DCBLD2: variants seen among roughly 807,000 people sequenced by gnomAD.
The protein encoded by DCBLD2 is discoidin, CUB and LCCL domain-containing protein 2.
Under a neutral mutation model 86.8 loss-of-function variants are expected in DCBLD2, and 54 were observed. That is an observed-to-expected ratio of 0.62 (90% CI 0.50 to 0.78). The LOEUF (loss-of-function observed/expected upper bound fraction) is 0.78, where lower values mean the gene tolerates loss of function less well. Among genes scored for constraint, DCBLD2 ranks in the 30% least tolerant of loss-of-function variants. DCBLD2 has a pLI of 0.00. For synonymous variants in DCBLD2, 354 were observed against 341.3 expected, an observed-to-expected ratio of 1.04 and a Z score of -0.41; for missense variants, 908 against 954.2, an observed-to-expected ratio of 0.95 and a Z score of 0.64.
At chr3:98,802,564 T>G (rs2107420337) in intron 13 of DCBLD2, among the ~76,000 whole-genome samples, 1 of 152,340 alleles carries the variant, frequency 6.6e-6, no homozygotes, top group South Asian at 2.1e-4. Flanking sequence ...TTTAATTAGA[T>G]CCCATTTGTC....
intron 2 of DCBLD2, among the ~76,000 whole-genome samples, chr3:98,856,720 T>C (rs909917465): frequency 1.3e-5 from 2 of 152,002 alleles, no homozygotes; most frequent in African/African-American, 2.4e-5. Flanking sequence ...TGAGAGTTGG[T>C]TGACCTCAGG....
At chr3:98,895,302 T>C (rs545891240) in intron 1 of DCBLD2, 6 of 152,250 alleles carry the variant, frequency 3.9e-5, no homozygotes, top group Admixed American at 3.9e-4. Flanking sequence ...TGGAAGTCAT[T>C]AACACAGCTC....
chr3:98,853,758 G>A (rs1942881181), intron 2 of DCBLD2, among the ~76,000 whole-genome samples: 1 of 152,226 alleles, frequency 6.6e-6, no homozygotes, highest in Non-Finnish European at 1.5e-5. Context: ...TACGAAACTT[G>A]AGAAATCTTA....
At chr3:98,849,640 T>G in intron 2 of DCBLD2, 42 bp from the exon 3 acceptor site, 1 of 1,588,296 alleles carries the variant, frequency 6.3e-7, no homozygotes. Context: ...ATGACTCTCA[T>G]GAAGTCAATA....
At chr3:98,826,712 T>C (rs1009091586) in intron 3 of DCBLD2, among the ~76,000 whole-genome samples, 2 of 152,234 alleles carry the variant, frequency 1.3e-5, no homozygotes, top group African/African-American at 4.8e-5. Context: ...ACTTATTTAT[T>C]GAATCAATGG....
chr3:98,863,575 T>C (rs1174460650), intron 2 of DCBLD2, among the ~76,000 whole-genome samples: 1 of 152,200 alleles, frequency 6.6e-6, no homozygotes, highest in African/African-American at 2.4e-5. Flanking sequence ...TACAACCATC[T>C]GATCTTTGAC....
chr3:98,825,243 T>C (rs1942193528), intron 4 of DCBLD2, 72 bp downstream of exon 4: 1 of 1,145,284 alleles, frequency 8.7e-7, no homozygotes, highest in South Asian at 1.6e-5. Flanking sequence ...GTATACAGAA[T>C]GAAAATGAAG....
chr3:98,818,560 G>T (rs995300736), intron 8 of DCBLD2, among the ~76,000 whole-genome samples: 4 of 152,220 alleles, frequency 2.6e-5, no homozygotes, highest in African/African-American at 9.6e-5. Flanking sequence ...GTTCCCAGGT[G>T]TGTCTGTGAG....
chr3:98,839,163 C>CTTTT (rs1361731379), intron 3 of DCBLD2, among the ~76,000 whole-genome samples: 1 of 89,496 alleles, frequency 1.1e-5, no homozygotes, highest in East Asian at 3.9e-4. Context: ...TTCTTTCTTT[C>CTTTT]TTTCTTTCCT....
intron 2 of DCBLD2, among the ~76,000 whole-genome samples, chr3:98,862,395 A>T (rs1943059977): frequency 6.6e-6 from 1 of 152,216 alleles, no homozygotes. Context: ...CTGATACCAA[A>T]GCCTGGCAGA....
intron 3 of DCBLD2, among the ~76,000 whole-genome samples, chr3:98,838,298 T>C (rs1190646297): frequency 2.8e-4 from 22 of 77,484 alleles, no homozygotes; most frequent in African/African-American, 8.7e-4. Context: ...GACGGGGCGG[T>C]TGCCAGGCAG....
chr3:98,871,294 G>A (rs1943278853), intron 2 of DCBLD2, among the ~76,000 whole-genome samples: 1 of 152,084 alleles, frequency 6.6e-6, no homozygotes, highest in South Asian at 2.1e-4. Flanking sequence ...TTGCCTGACT[G>A]TTCTAGCTAG....
chr3:98,874,909 A>C (rs1036237923), intron 2 of DCBLD2, among the ~76,000 whole-genome samples: 5 of 152,144 alleles, frequency 3.3e-5, no homozygotes, highest in African/African-American at 1.2e-4. Flanking sequence ...AACTCTGAGA[A>C]AGTAAACTGC....
chr3:98,856,714 A>T (rs559688317), intron 2 of DCBLD2, among the ~76,000 whole-genome samples: 1 of 152,140 alleles, frequency 6.6e-6, no homozygotes, highest in African/African-American at 2.4e-5. Context: ...AAGAAATGAG[A>T]GTTGGTTGAC....
At chr3:98,860,519 A>G (rs1006377373) in intron 2 of DCBLD2, among the ~76,000 whole-genome samples, 9 of 152,204 alleles carry the variant, frequency 5.9e-5, no homozygotes, top group African/African-American at 2.2e-4. Context: ...GACTAACAGC[A>G]GATCTTTCAG....
intron 3 of DCBLD2, among the ~76,000 whole-genome samples, chr3:98,830,412 G>T (rs1942299138): frequency 1.3e-5 from 2 of 152,092 alleles, no homozygotes; most frequent in Non-Finnish European, 2.9e-5. Context: ...TTGATTTTTG[G>T]ATATGATATA....
At position 98,812,502 on chromosome 3, in the gene DCBLD2, A is replaced by G. The variant is rs1415409171; in HGVS notation, c.1213-20T>C. On this transcript the variant is annotated intron_variant, in intron 9 of 15. Transcript: ENST00000326840. ...AAATATCTTTAAAAAAACAACAAAA[A>G]ATTGGTACTTCAAATCAATAGAGGT... is the stretch of plus-strand genomic sequence containing the variant. 6.2e-7 allele frequency: 1 copy of G among 1,603,490 alleles called. No homozygotes were observed. The highest frequency in any genetic ancestry group is 1.1e-5 in the South Asian group (1 of 90,236).
At chr3:98,863,301 T>G (rs987092177) in intron 2 of DCBLD2, among the ~76,000 whole-genome samples, 2 of 152,120 alleles carry the variant, frequency 1.3e-5, no homozygotes, top group Non-Finnish European at 2.9e-5. Flanking sequence ...AGGTAATTTA[T>G]AGATTCAATG....
intron 2 of DCBLD2, among the ~76,000 whole-genome samples, chr3:98,854,108 G>A (rs1402045445): frequency 6.6e-6 from 1 of 152,170 alleles, no homozygotes; most frequent in Non-Finnish European, 1.5e-5. Flanking sequence ...GCAGGAACTG[G>A]GGATTCAGTA....
Sources: gnomAD v4.1 joint callset for allele counts (sites outside exome capture counted in the v4.1 genomes callset) on GRCh38, gnomAD v4.1.1 for gene constraint, MANE v1.5 for transcripts, NCBI Gene and HGNC (gene_info 2026-07-23, HGNC 2026-07-21) for gene names.